The following PDXDC1 variants were observed in gnomAD, a reference collection of about 807,000 sequenced individuals.
PDXDC1 encodes the protein pyridoxal-dependent decarboxylase domain-containing protein 1.
PDXDC1 carries 42 observed loss-of-function variants against 100.1 expected under a neutral mutation model. That is an observed-to-expected ratio of 0.42 (90% CI 0.33 to 0.54). The LOEUF (loss-of-function observed/expected upper bound fraction) is 0.54, where lower values mean the gene tolerates loss of function less well. PDXDC1 is among the 20% of genes least tolerant of loss of function. The pLI is 0.10. For synonymous variants in PDXDC1, 260 were observed against 371.7 expected (o/e 0.70, Z 3.46); for missense variants, 636 against 979.2 (o/e 0.65, Z 4.68).
At chr16:14,984,887 T>C (rs890447357) in intron 1 of PDXDC1, among the ~76,000 whole-genome samples, 22 of 152,352 alleles carry the variant, frequency 1.4e-4, no homozygotes, top group African/African-American at 2.4e-4. Context: ...TTTTTTTTTT[T>C]CCCCTGAAAC....
chr16:15,063,322 C>A, intron 16 of PDXDC1: 1 of 1,487,210 alleles, frequency 6.7e-7, no homozygotes, highest in Non-Finnish European at 9.4e-7. Context: ...AAGTTAAATA[C>A]TTCGGCAGAA....
chr16:15,095,064 A>G (rs959315594), intron 16 of PDXDC1, among the ~76,000 whole-genome samples: 1 of 151,968 alleles, frequency 6.6e-6, no homozygotes, highest in Non-Finnish European at 1.5e-5. Flanking sequence ...TCTCGAACTC[A>G]TGACCTCAGG....
In PDXDC1 at chr16:15,097,938, C is replaced by CTTTT. The variant is rs35852184; in HGVS notation, c.1400-40923_1400-40920dup. Among the ~76,000 whole-genome samples the CTTTT allele has an allele frequency of 1.6e-3, 143 of 89,616 alleles. 3 individuals carry two copies. Among genetic ancestry groups the CTTTT allele is most frequent in the East Asian group, 2.2e-3 (6 of 2,776 alleles). 58.8% of individuals were successfully genotyped at this position (89,616 alleles called of 152,430 possible). On this transcript the variant is annotated intron_variant, in intron 16 of 16. Coordinates refer to the PDXDC1 transcript ENST00000535621. The stretch of plus-strand genomic sequence containing the variant: ...ACTGCTGTTTGTTTTCAACATTATG[C>CTTTT]TTTTTTTTTTTTTTTTTTTTTGAGA...
chr16:15,091,188 C>T, intron 16 of PDXDC1: 1 of 1,082,854 alleles, frequency 9.2e-7, no homozygotes, highest in Non-Finnish European at 1.3e-6. Flanking sequence ...TTGAGAACCA[C>T]CAGATTAAAA....
the PDXDC1 span, among the ~76,000 whole-genome samples, chr16:15,150,362 T>A: frequency 6.8e-6 from 1 of 146,360 alleles, no homozygotes; most frequent in African/African-American, 2.5e-5. Flanking sequence ...AATAAATAAA[T>A]AAATAAATAA....
At chr16:15,088,683 T>C (rs1215019947) in intron 16 of PDXDC1, among the ~76,000 whole-genome samples, 4 of 152,114 alleles carry the variant, frequency 2.6e-5, no homozygotes, top group African/African-American at 9.7e-5. Flanking sequence ...GAGTCTTTTC[T>C]GGAAGTTCTG....
intron 16 of PDXDC1, among the ~76,000 whole-genome samples, chr16:15,081,408 T>C (rs977205843): frequency 6.6e-6 from 1 of 152,230 alleles, no homozygotes; most frequent in African/African-American, 2.4e-5. Context: ...GTTCTGATTA[T>C]AGCCATCCTT....
chr16:15,073,321 T>G (rs2045317007), intron 16 of PDXDC1, among the ~76,000 whole-genome samples: 1 of 152,076 alleles, frequency 6.6e-6, no homozygotes, highest in African/African-American at 2.4e-5. Flanking sequence ...TAGCCAGGCA[T>G]GGTGGCACGC....
At chr16:14,976,302 G>C (rs1489351232) in intron 1 of PDXDC1, among the ~76,000 whole-genome samples, 3 of 152,276 alleles carry the variant, frequency 2.0e-5, no homozygotes, top group Non-Finnish European at 4.4e-5. Context: ...TTAATTTTGA[G>C]CTGGTAGGAA....
intron 13 of PDXDC1, among the ~76,000 whole-genome samples, chr16:15,024,661 T>C (rs562363713): frequency 6.6e-6 from 1 of 152,288 alleles, no homozygotes; most frequent in African/African-American, 2.4e-5. Context: ...TCCACCCGCC[T>C]CAGCCTCCCA....
chr16:15,125,606 G>A, intron 16 of PDXDC1: 7 of 1,224,100 alleles, frequency 5.7e-6, no homozygotes, highest in East Asian at 4.6e-5. Context: ...AAGGCCTGCT[G>A]AGAGGTGCAC....
At position 15,031,849 on chromosome 16, in the gene PDXDC1, C is replaced by A; in HGVS notation, c.1514C>A (p.Ala505Glu). ...GAAGAGTTCAAGCAGGAAGTGGAAG[C>A]AACAGCAGGTCTCCTATATGTTGAT... ...LREEFKQEVE[A>E]TAGLLYVDDP... The change falls in exon 17 of 23, where the codon GCA (alanine) becomes GAA (glutamate). Residue 505 changes from alanine to glutamate, a missense_variant. Ala to Glu is a moderately radical substitution (Grantham distance 107). Around this residue, in one of 4 missense-constraint regions of PDXDC1, gnomAD observed 452 missense variants for 402.9 expected, o/e 1.12. Transcript: ENST00000396410. 1.2e-6 allele frequency: 2 copies of A among 1,613,990 alleles called. No individual in the cohort carries two copies. The highest frequency in any genetic ancestry group is 2.2e-5 in the South Asian group (2 of 91,078).
intron 16 of PDXDC1, among the ~76,000 whole-genome samples, chr16:15,113,222 G>GAA (rs766580023): frequency 4.1e-4 from 2 of 4,884 alleles, no homozygotes; most frequent in Non-Finnish European, 1.3e-3. Flanking sequence ...GGTGAGAAAA[G>GAA]AAAAAAAAAA....
intron 16 of PDXDC1, among the ~76,000 whole-genome samples, chr16:15,083,012 G>A (rs993521006): frequency 1.3e-5 from 2 of 152,190 alleles, no homozygotes; most frequent in African/African-American, 4.8e-5. Flanking sequence ...ACAGAAAAAG[G>A]CACTGGGAAT....
rs539127238 is a variant in PDXDC1 at position 15,019,019 on chromosome 16, G to C, written c.1089+54G>C. ...AGACTCCTTGGCCACAGCAGAGACA[G>C]AAAAACATCTCATTTCTGTACCTTC... On this transcript the variant is annotated intron_variant, in intron 12 of 22. Transcript: ENST00000396410. 1.2e-5 allele frequency: 19 copies of C among 1,596,366 alleles called. No individual in the cohort carries two copies. The African/African-American group carries it at 2.0e-4, about 17-fold the overall frequency.
chr16:15,147,643 C>A, the PDXDC1 span, among the ~76,000 whole-genome samples: 4 of 152,194 alleles, frequency 2.6e-5, no homozygotes, highest in Non-Finnish European at 5.9e-5. Context: ...TCTCCTGCCT[C>A]AGCCCCCAAA....
At chr16:15,048,132 GTAAA>G (rs1028980212) in intron 16 of PDXDC1, 1 of 1,426,528 alleles carries the variant, frequency 7.0e-7, no homozygotes, top group Non-Finnish European at 9.8e-7. Flanking sequence ...AAATAGTGAT[GTAAA>G]TTAGTGAGGA....
chr16:15,056,719 G>A (rs183372889), intron 16 of PDXDC1, among the ~76,000 whole-genome samples: 209 of 152,280 alleles, frequency 1.4e-3, no homozygotes, highest in South Asian at 2.3e-3. Context: ...CTTGACCCCA[G>A]GAGTGGGAGG....
chr16:15,067,476 C>A (rs188038149), intron 16 of PDXDC1, among the ~76,000 whole-genome samples: 1 of 111,090 alleles, frequency 9.0e-6, no homozygotes, highest in Non-Finnish European at 2.1e-5. Context: ...AACTGCCTGG[C>A]ACAGAGGAAA....
Sources: allele counts gnomAD v4.1 joint callset (sites outside exome capture counted in the v4.1 genomes callset), GRCh38; gene constraint gnomAD v4.1.1; regional missense constraint gnomAD v4.1.1; transcripts MANE v1.5; gene names NCBI Gene and HGNC (gene_info 2026-07-23, HGNC 2026-07-21).